The following METTL8 variants were observed in gnomAD, a reference collection of about 807,000 sequenced individuals.
METTL8 encodes methyltransferase 8, tRNA N3-cytidine.
METTL8 carries 32 observed loss-of-function variants against 48.7 expected under a neutral mutation model. The observed-to-expected ratio is 0.66, with a 90% CI of 0.50 to 0.88. METTL8 has a LOEUF of 0.88. Ranked by LOEUF, METTL8 falls within the 40% of genes least tolerant of loss-of-function variation. The pLI, the probability that METTL8 is intolerant of heterozygous loss-of-function variation, is 0.00. For missense variants in METTL8, 464 were observed against 474.4 expected, an observed-to-expected ratio of 0.98 and a Z score of 0.20; for synonymous variants, 136 against 157.1, an observed-to-expected ratio of 0.87 and a Z score of 1.01.
chr2:171,360,899 T>C (rs573195515), intron 2 of METTL8, among the ~76,000 whole-genome samples: 1 of 152,250 alleles, frequency 6.6e-6, no homozygotes, highest in Non-Finnish European at 1.5e-5. Flanking sequence ...TAAATGCTCC[T>C]CTTACAACAC....
At chr2:171,414,371 C>T (rs1691072558) in intron 1 of METTL8, among the ~76,000 whole-genome samples, 2 of 150,842 alleles carry the variant, frequency 1.3e-5, no homozygotes, top group African/African-American at 4.9e-5. Context: ...GAGCTGAGAT[C>T]GCACCACTGC....
chr2:171,412,380 CT>C (rs1690837964), intron 1 of METTL8, among the ~76,000 whole-genome samples: 1 of 152,208 alleles, frequency 6.6e-6, no homozygotes, highest in Admixed American at 6.5e-5. Context: ...TTATCCACAA[CT>C]TCCCAGCCAG....
intron 2 of METTL8, among the ~76,000 whole-genome samples, chr2:171,382,884 C>A (rs1687704133): frequency 6.6e-6 from 1 of 151,730 alleles, no homozygotes; most frequent in South Asian, 2.1e-4. Flanking sequence ...ACCATCCTGG[C>A]CAACATGATG....
At chr2:171,431,174 T>C (rs1028031000) in intron 1 of METTL8, among the ~76,000 whole-genome samples, 1 of 152,202 alleles carries the variant, frequency 6.6e-6, no homozygotes, top group Non-Finnish European at 1.5e-5. Flanking sequence ...AGATGTTTTG[T>C]GCACATAAGG....
Position 171,326,148 on chromosome 2 carries a change from C to T in METTL8, c.861G>A (p.Arg287=). The part of the protein sequence containing the change: ...VFVLSSIHPD[R]MQGVVNRLSK... ...ACAGTCGGTTTACAACACCTTGCATCCTTTGGAAACAAAGTATTAAAAAGA... is the reference window on the plus strand; with the variant it reads ...ACAGTCGGTTTACAACACCTTGCATTCTTTGGAAACAAAGTATTAAAAAGA... Residue 287 remains arginine (R), a splice_region_variant and synonymous_variant, in exon 8 of 10, where the codon AGG becomes AGA. Coordinates refer to ENST00000375258, the MANE Select transcript of METTL8 (RefSeq NM_001321154.2). 1.3e-6 allele frequency: 2 copies of T among 1,487,970 alleles called. No individual in the cohort carries two copies. Among genetic ancestry groups the T allele is most frequent in the African/African-American group, 2.8e-5 (2 of 71,430 alleles). 92.2% of individuals were successfully genotyped at this position (1,487,970 alleles called of 1,614,324 possible). A position where few individuals can be genotyped will look rare whatever the true frequency, so the allele number is the denominator to read the frequency against.
Position 171,365,641 on chromosome 2 carries a change from T to TAC in METTL8, c.144-5130_144-5129dup, listed in dbSNP as rs200740668. On this transcript the variant is annotated intron_variant, in intron 2 of 9. Coordinates refer to ENST00000375258, the MANE Select transcript of METTL8 (RefSeq NM_001321154.2). ...CACAAAGTCATATTTATTACATAGT[T>TAC]ACAAACAAACACACACATTTTTCTA... Among the ~76,000 whole-genome samples the TAC allele has an allele frequency of 1.4e-3, 213 of 152,290 alleles. 4 individuals carry two copies. The East Asian group carries it at 0.015, about 10-fold the overall frequency.
upstream of METTL8, chr2:171,434,110 C>A (rs1013876177): frequency 1.2e-5 from 4 of 337,020 alleles, no homozygotes; most frequent in Admixed American, 4.0e-5. Flanking sequence ...CACAGAGAAG[C>A]GCGCCCGCAA....
intron 1 of METTL8, among the ~76,000 whole-genome samples, chr2:171,395,987 G>C (rs1317291532): frequency 1.3e-5 from 2 of 152,018 alleles, no homozygotes; most frequent in Non-Finnish European, 2.9e-5. Flanking sequence ...GATAAATTTG[G>C]CTGGCCAGGC....
At chr2:171,345,119 C>A (rs1203922021) in intron 3 of METTL8, among the ~76,000 whole-genome samples, 2 of 152,056 alleles carry the variant, frequency 1.3e-5, no homozygotes, top group East Asian at 1.9e-4. Flanking sequence ...CTGCTTTATG[C>A]CAGTGGCAGT....
chr2:171,404,813 G>C (rs1030962681), intron 1 of METTL8, among the ~76,000 whole-genome samples: 3 of 152,132 alleles, frequency 2.0e-5, no homozygotes, highest in Non-Finnish European at 4.4e-5. Flanking sequence ...ATTGAGGATT[G>C]AGAACCACTC....
At chr2:171,370,557 C>T (rs182177979) in intron 2 of METTL8, among the ~76,000 whole-genome samples, 1,562 of 152,096 alleles carry the variant, frequency 0.01, 13 homozygotes, top group Admixed American at 0.016. Flanking sequence ...TTTGGGAGGC[C>T]GAGGTGGGCA....
chr2:171,372,184 T>A (rs188592969), intron 2 of METTL8, among the ~76,000 whole-genome samples: 2 of 152,224 alleles, frequency 1.3e-5, no homozygotes, highest in African/African-American at 4.8e-5. Context: ...GAGGAAGATT[T>A]GGTAGAACTC....
At chr2:171,371,269 G>C (rs2105501637) in intron 2 of METTL8, among the ~76,000 whole-genome samples, 1 of 152,254 alleles carries the variant, frequency 6.6e-6, no homozygotes, top group East Asian at 1.9e-4. Flanking sequence ...TGTAACTCCA[G>C]GATGCCTACC....
chr2:171,336,886 T>TTA (rs1686176601), intron 5 of METTL8, among the ~76,000 whole-genome samples: 1 of 148,238 alleles, frequency 6.7e-6, no homozygotes, highest in Non-Finnish European at 1.5e-5. Flanking sequence ...TTTTTTTTTT[T>TTA]GAGACTGAGT....
intron 2 of METTL8, among the ~76,000 whole-genome samples, chr2:171,363,796 A>ATT (rs1685416405): frequency 1.7e-5 from 2 of 117,398 alleles, no homozygotes; most frequent in African/African-American, 3.1e-5. Flanking sequence ...CAAATTTTAT[A>ATT]TATATATATA....
At position 171,325,900 on chromosome 2, in the gene METTL8, C is replaced by A; in HGVS notation, c.974G>T (p.Cys325Phe). 6.3e-7 allele frequency: 1 copy of A among 1,595,998 alleles called. No individual in the cohort carries two copies. The highest frequency in any genetic ancestry group is 8.6e-7 in the Non-Finnish European group (1 of 1,168,012). Reference protein sequence around the residue: ...KTQLRFKKGHCLSENFYVRGD... With the variant: ...KTQLRFKKGHFLSENFYVRGD... ...TCGAACATAAAAATTTTCAGATAAA[C>A]AATGTCCTGAAAAAAATTGTGAAAA... The change falls in exon 9 of 10, where the codon TGT becomes TTT. Residue 325 changes from cysteine to phenylalanine, a missense_variant. Physicochemically the swap from Cys to Phe is radical, Grantham distance 205 (BLOSUM62 -2). Coordinates refer to ENST00000375258, the MANE Select transcript of METTL8 (RefSeq NM_001321154.2).
chr2:171,370,003 T>C (rs1465308144), intron 2 of METTL8, among the ~76,000 whole-genome samples: 1 of 151,274 alleles, frequency 6.6e-6, no homozygotes, highest in African/African-American at 2.4e-5. Flanking sequence ...GAGGCAGAGG[T>C]TGCAATGAGC....
chr2:171,382,176 C>A (rs1271196607), intron 2 of METTL8, among the ~76,000 whole-genome samples: 1 of 152,128 alleles, frequency 6.6e-6, no homozygotes, highest in African/African-American at 2.4e-5. Context: ...ACCAGAAATA[C>A]CATTTGACCC....
chr2:171,324,377 T>C lies in METTL8; in HGVS notation c.1034-15A>G, dbSNP rs1418906602. 6 of 1,549,360 alleles carry C rather than the reference T, an allele frequency of 3.9e-6. No individual in the cohort carries two copies. In the Admixed American group the frequency reaches 1.2e-4, roughly 30 times the overall value. On this transcript the variant is annotated splice_polypyrimidine_tract_variant and intron_variant, in intron 9 of 9. Coordinates refer to ENST00000375258, the MANE Select transcript of METTL8 (RefSeq NM_001321154.2). ...GTGGACTTCCCCTGTGAGACAAAAA[T>C]GGCAATAAAAGATATGACATGTGAC...
Sources: allele counts gnomAD v4.1 joint callset (sites outside exome capture counted in the v4.1 genomes callset), GRCh38; gene constraint gnomAD v4.1.1; transcripts MANE v1.5; gene names NCBI Gene and HGNC (gene_info 2026-07-23, HGNC 2026-07-21).